Variants in WWOX observed in about 807,000 individuals in gnomAD.
WWOX encodes the protein WW domain-containing oxidoreductase.
Under a neutral mutation model 46.2 loss-of-function variants are expected in WWOX, and 69 were observed. That is an observed-to-expected ratio of 1.49 (90% confidence interval 1.23 to 1.82). The LOEUF is 1.82. Ranked by LOEUF, WWOX falls within the 40% of genes most tolerant of loss-of-function variation. WWOX has a pLI of 0.00. For missense variants in WWOX, 919 were observed against 542.6 expected, an observed-to-expected ratio of 1.69 and a Z score of -6.89; for synonymous variants, 359 against 202.6, an observed-to-expected ratio of 1.77 and a Z score of -6.56.
rs1414302114 is a variant in WWOX, at chr16:78,519,787, C to A, written c.1056+87035C>A. 2.0e-5 allele frequency among the ~76,000 whole-genome samples: 3 copies of A among 152,194 alleles called. No homozygotes were observed. In the South Asian group the frequency reaches 6.2e-4, roughly 32 times the overall value. ...GTGCCATCTATGAGCCAGAGTGGAC[C>A]CTTACCCAACACCACATCTACTGGC... is the stretch of plus-strand genomic sequence containing the variant. On this transcript the variant is annotated intron_variant, in intron 8 of 8. Transcript: ENST00000566780.
chr16:78,555,013 A>G (rs1038684137), intron 8 of WWOX, among the ~76,000 whole-genome samples: 1 of 152,152 alleles, frequency 6.6e-6, no homozygotes, highest in Non-Finnish European at 1.5e-5. Context: ...CTGGCAGACA[A>G]CTTCTGGCTC....
chr16:78,406,362 A>AT (rs1419490987), intron 6 of WWOX, among the ~76,000 whole-genome samples: 5 of 76,666 alleles, frequency 6.5e-5, no homozygotes, highest in African/African-American at 1.2e-4. Context: ...ATATTTTATT[A>AT]TTTTTTTTTG....
intron 8 of WWOX, among the ~76,000 whole-genome samples, chr16:79,060,151 G>A (rs979220261): frequency 2.2e-4 from 34 of 152,206 alleles, no homozygotes; most frequent in Admixed American, 1.8e-3. Context: ...TACTTGGGCA[G>A]TGGGGGTGGG....
At chr16:78,680,809 G>A (rs1488246953) in intron 8 of WWOX, among the ~76,000 whole-genome samples, 1 of 152,092 alleles carries the variant, frequency 6.6e-6, no homozygotes, top group African/African-American at 2.4e-5. Context: ...CTGCTGTGAT[G>A]GTTAAAGCTT....
intron 8 of WWOX, among the ~76,000 whole-genome samples, chr16:78,652,968 A>G (rs1180204214): frequency 1.3e-5 from 2 of 152,226 alleles, no homozygotes; most frequent in Non-Finnish European, 2.9e-5. Context: ...AATAATATAC[A>G]TGGTAGAAGG....
At chr16:78,762,455 A>T (rs1354138987) in intron 8 of WWOX, among the ~76,000 whole-genome samples, 1 of 152,144 alleles carries the variant, frequency 6.6e-6, no homozygotes, top group Non-Finnish European at 1.5e-5. Context: ...AGTCGAATAG[A>T]CATTAAGTGA....
chr16:78,855,386 G>A (rs1405877444), intron 8 of WWOX, among the ~76,000 whole-genome samples: 1 of 151,642 alleles, frequency 6.6e-6, no homozygotes, highest in Non-Finnish European at 1.5e-5. Context: ...GTTGCGGGGA[G>A]GAAAAAAAAA....
At chr16:78,505,031 C>T (rs1267202540) in intron 8 of WWOX, among the ~76,000 whole-genome samples, 1 of 152,146 alleles carries the variant, frequency 6.6e-6, no homozygotes, top group Non-Finnish European at 1.5e-5. Context: ...GTGTATTTCA[C>T]ACAGTTCCTT....
intron 8 of WWOX, among the ~76,000 whole-genome samples, chr16:78,640,268 A>G (rs1404633369): frequency 9.7e-6 from 1 of 103,092 alleles, no homozygotes; most frequent in East Asian, 3.1e-4. Flanking sequence ...TTTTGCGCCT[A>G]TGGTGACTTT....
At chr16:78,893,549 C>G (rs779339057) in intron 8 of WWOX, among the ~76,000 whole-genome samples, 16 of 152,232 alleles carry the variant, frequency 1.1e-4, no homozygotes, top group Non-Finnish European at 2.2e-4. Context: ...ACTCCTCTCT[C>G]AGACTCAGCT....
chr16:78,823,834 G>C (rs1233919801), intron 8 of WWOX, among the ~76,000 whole-genome samples: 1 of 151,244 alleles, frequency 6.6e-6, no homozygotes, highest in African/African-American at 2.4e-5. Context: ...AGAGTACAAT[G>C]GTATGATCAT....
chr16:78,719,942 A>G (rs1340008747), intron 8 of WWOX, among the ~76,000 whole-genome samples: 1 of 152,200 alleles, frequency 6.6e-6, no homozygotes, highest in Admixed American at 6.5e-5. Flanking sequence ...TTTTCACCAA[A>G]GTGTTCTATT....
chr16:78,838,707 G>C (rs997906460), intron 8 of WWOX, among the ~76,000 whole-genome samples: 1 of 152,114 alleles, frequency 6.6e-6, no homozygotes, highest in African/African-American at 2.4e-5. Flanking sequence ...GCCGGGCGTG[G>C]TAGCACACAC....
chr16:78,657,557 C>T lies in WWOX; in HGVS notation c.1056+224805C>T, dbSNP rs151019410. ...GTCTAACCCCTCCTCTAGTTAAAGACGTGACCCTGGCCGGGACTGAAGCCA... is the reference window on the plus strand; with the variant it reads ...GTCTAACCCCTCCTCTAGTTAAAGATGTGACCCTGGCCGGGACTGAAGCCA... On this transcript the variant is annotated intron_variant, in intron 8 of 8. Coordinates refer to ENST00000566780, the MANE Select transcript of WWOX (RefSeq NM_016373.4). 6.4e-3 allele frequency among the ~76,000 whole-genome samples: 978 copies of T among 152,292 alleles called. 5 individuals are homozygous for T. The highest frequency in any genetic ancestry group is 0.011 in the African/African-American group (476 of 41,556).
chr16:78,122,023 T>TGA (rs148741694), intron 4 of WWOX, among the ~76,000 whole-genome samples: 3 of 152,108 alleles, frequency 2.0e-5, no homozygotes, highest in Non-Finnish European at 2.9e-5. Context: ...ATACTAATTT[T>TGA]GAGAGAGAGA....
At chr16:78,817,949 C>A (rs2142733592) in intron 8 of WWOX, among the ~76,000 whole-genome samples, 1 of 152,288 alleles carries the variant, frequency 6.6e-6, no homozygotes, top group East Asian at 1.9e-4. Flanking sequence ...TTGTGAAGAA[C>A]ACGTGCCTTG....
At chr16:78,868,968 G>GAC (rs373886625) in intron 8 of WWOX, among the ~76,000 whole-genome samples, 20 of 151,842 alleles carry the variant, frequency 1.3e-4, no homozygotes, top group Middle Eastern at 3.4e-3. Flanking sequence ...TGTACACACA[G>GAC]ACACACACAC....
chr16:78,246,782 G>A (rs1022663979), intron 5 of WWOX, among the ~76,000 whole-genome samples: 7 of 152,148 alleles, frequency 4.6e-5, no homozygotes, highest in Non-Finnish European at 8.8e-5. Flanking sequence ...GGCGTGGGGC[G>A]GTGTGTTTGG....
chr16:79,159,383 G>A (rs1008228778), intron 8 of WWOX, among the ~76,000 whole-genome samples: 2 of 152,162 alleles, frequency 1.3e-5, no homozygotes, highest in Non-Finnish European at 2.9e-5. Context: ...TAGATGAATG[G>A]CATGTCATTT....
Sources: allele counts gnomAD v4.1 joint callset (sites outside exome capture counted in the v4.1 genomes callset), GRCh38; gene constraint gnomAD v4.1.1; transcripts MANE v1.5; gene names NCBI Gene and HGNC (gene_info 2026-07-23, HGNC 2026-07-21).